C10orf90: variants seen among roughly 807,000 people sequenced by gnomAD.
C10orf90 encodes chromosome 10 open reading frame 90.
In C10orf90, 56 loss-of-function variants were observed where a neutral mutation model predicts 62.5. That is an observed-to-expected ratio of 0.90 (90% CI 0.72 to 1.12). The LOEUF is 1.12. C10orf90 is among the 50% of genes most tolerant of loss of function. C10orf90 has a pLI of 0.00. For missense variants in C10orf90, 970 were observed against 880.4 expected (o/e 1.10, Z -1.29); for synonymous variants, 386 against 340.4 (o/e 1.13, Z -1.47).
Position 126,663,520 on chromosome 10 carries a change from A to G in C10orf90, c.240+6721T>C, listed in dbSNP as rs116348884. Among the ~76,000 whole-genome samples, 695 of 152,250 alleles carry G rather than the reference A, an allele frequency of 4.6e-3. 6 individuals are homozygous for G. Among genetic ancestry groups the G allele is most frequent in the African/African-American group, 0.016 (660 of 41,536 alleles). On this transcript the variant is annotated intron_variant, in intron 1 of 9. Coordinates refer to ENST00000488181, the MANE Select transcript of C10orf90 (RefSeq NM_001350921.2). ...TCTCACACAGCTGTGGTGAGCTTCA[A>G]TGAGGCAATTCAGGAAATCAGCTGA...
intron 2 of C10orf90, among the ~76,000 whole-genome samples, chr10:126,528,166 C>T (rs1349264467): frequency 2.6e-5 from 4 of 151,942 alleles, no homozygotes; most frequent in South Asian, 2.1e-4. Context: ...TAGAGAGAGA[C>T]GGGGAAGGAG....
intron 2 of C10orf90, among the ~76,000 whole-genome samples, chr10:126,584,537 G>A (rs1844821037): frequency 6.6e-6 from 1 of 152,112 alleles, no homozygotes; most frequent in African/African-American, 2.4e-5. Flanking sequence ...CATGAACAGA[G>A]CACATGCAAG....
At chr10:126,512,350 CTGTGTGTGTGTGTA>C (rs1564846917) in intron 3 of C10orf90, among the ~76,000 whole-genome samples, 141 of 146,402 alleles carry the variant, frequency 9.6e-4, no homozygotes, top group African/African-American at 2.9e-3. Flanking sequence ...GTGTGTGTGT[CTGTGTGTGTGTGTA>C]TGTGTGTCTG....
At chr10:126,557,511 C>T (rs1182436223) in intron 2 of C10orf90, among the ~76,000 whole-genome samples, 1 of 151,644 alleles carries the variant, frequency 6.6e-6, no homozygotes, top group Non-Finnish European at 1.5e-5. Context: ...CAAAAGTCCT[C>T]TATACCTTTC....
intron 4 of C10orf90, among the ~76,000 whole-genome samples, chr10:126,468,084 T>C (rs1471890979): frequency 1.3e-5 from 2 of 152,116 alleles, no homozygotes; most frequent in Non-Finnish European, 2.9e-5. Context: ...GCTAGCTTTT[T>C]TTTTTTTTTT....
At chr10:126,484,045 G>T (rs1345555089) in intron 4 of C10orf90, among the ~76,000 whole-genome samples, 2 of 152,136 alleles carry the variant, frequency 1.3e-5, no homozygotes, top group Non-Finnish European at 2.9e-5. Flanking sequence ...AAATGTCATT[G>T]CTGGTAGACC....
intron 1 of C10orf90, among the ~76,000 whole-genome samples, chr10:126,652,631 G>A (rs148123562): frequency 7.5e-4 from 114 of 152,326 alleles, no homozygotes; most frequent in African/African-American, 2.6e-3. Flanking sequence ...AGCTCCCTGT[G>A]TGTTTGCAGG....
At chr10:126,544,853 A>G (rs1371437004) in intron 2 of C10orf90, among the ~76,000 whole-genome samples, 7 of 150,866 alleles carry the variant, frequency 4.6e-5, no homozygotes, top group Non-Finnish European at 1.0e-4. Context: ...GGTGGGGAGG[A>G]CTTTGATTGC....
At chr10:126,547,422 A>T (rs56394202) in intron 2 of C10orf90, among the ~76,000 whole-genome samples, 2 of 139,818 alleles carry the variant, frequency 1.4e-5, no homozygotes, top group Admixed American at 7.2e-5. Context: ...GTCAAAAAAA[A>T]AAAAAATAAA....
rs1366357235 is a variant in C10orf90, at chr10:126,459,150, T to C, written c.2078A>G (p.His693Arg). ...RSQERLKKLE[H>R]MVQQRKAQRK... ...CTGGGCTTTCCTCTGCTGGACCATG[T>C]GTTCAAGCTTCTTCAGCCGTTCTTG... is the stretch of plus-strand genomic sequence containing the variant. The change falls in exon 7 of 10, where the codon CAC (histidine) becomes CGC (arginine). Residue 693 changes from histidine (H) to arginine (R), a missense_variant. Transcript: ENST00000488181. The C allele has an allele frequency of 1.9e-6, 3 of 1,614,242 alleles. No individual in the cohort carries two copies.
At chr10:126,572,105 G>A (rs1488200725) in intron 2 of C10orf90, among the ~76,000 whole-genome samples, 1 of 152,146 alleles carries the variant, frequency 6.6e-6, no homozygotes, top group African/African-American at 2.4e-5. Flanking sequence ...TGTATTCCCA[G>A]GAGGTTAAAG....
At chr10:126,445,658 C>T (rs1858716417) in intron 7 of C10orf90, among the ~76,000 whole-genome samples, 1 of 151,898 alleles carries the variant, frequency 6.6e-6, no homozygotes, top group Non-Finnish European at 1.5e-5. Context: ...GCAATACCAC[C>T]ACTGGGTATT....
At chr10:126,670,184 G>T in intron 1 of C10orf90, 57 bp downstream of exon 1, 2 of 442,806 alleles carry the variant, frequency 4.5e-6, no homozygotes, top group South Asian at 3.2e-5. Context: ...TGAGCAACAC[G>T]TCCATCTCTC....
intron 2 of C10orf90, among the ~76,000 whole-genome samples, chr10:126,532,842 C>CAAAAAAAAAAAAAAAAAAAAAAAAA (rs1269013268): frequency 0.015 from 178 of 11,960 alleles, 44 homozygotes; most frequent in East Asian, 0.025. Context: ...GACTACGTCT[C>CAAAAAAAAAAAAAAAAAAAAAAAAA]AAAAAAAAAA....
intron 2 of C10orf90, among the ~76,000 whole-genome samples, chr10:126,610,140 C>T (rs1845401657): frequency 6.6e-6 from 1 of 152,212 alleles, no homozygotes; most frequent in Admixed American, 6.5e-5. Flanking sequence ...CCTTCACAGG[C>T]TGACCTGCAT....
At chr10:126,440,766 G>A (rs1174207933) in intron 7 of C10orf90, among the ~76,000 whole-genome samples, 1 of 152,110 alleles carries the variant, frequency 6.6e-6, no homozygotes, top group African/African-American at 2.4e-5. Flanking sequence ...AGACTTGCTG[G>A]GTGGCTGGAC....
chr10:126,436,877 T>A (rs560767873), intron 7 of C10orf90, among the ~76,000 whole-genome samples: 1 of 152,242 alleles, frequency 6.6e-6, no homozygotes, highest in East Asian at 1.9e-4. Context: ...TTGCCCAAGA[T>A]GGTCTTAAAT....
intron 2 of C10orf90, among the ~76,000 whole-genome samples, chr10:126,566,284 G>C (rs1844387521): frequency 6.6e-6 from 1 of 152,214 alleles, no homozygotes; most frequent in South Asian, 2.1e-4. Context: ...GATGTTATTA[G>C]TTTTCAAAGT....
intron 2 of C10orf90, among the ~76,000 whole-genome samples, chr10:126,565,408 AATATATATT>A (rs1419042631): frequency 1.3e-4 from 6 of 44,958 alleles, no homozygotes; most frequent in South Asian, 1.2e-3. Flanking sequence ...TATTATATAT[AATATATATT>A]ATATATATTA....
Sources: gnomAD v4.1 joint callset for allele counts (sites outside exome capture counted in the v4.1 genomes callset) on GRCh38, gnomAD v4.1.1 for gene constraint, MANE v1.5 for transcripts, NCBI Gene and HGNC (gene_info 2026-07-23, HGNC 2026-07-21) for gene names.